WDTC1: variants seen among roughly 807,000 people sequenced by gnomAD.
WDTC1 encodes WD and tetratricopeptide repeats protein 1.
Under a neutral mutation model 76.0 loss-of-function variants are expected in WDTC1, and 12 were observed. The ratio of observed to expected loss-of-function variants is 0.16; its 90% CI spans 0.10 to 0.26. The LOEUF is 0.26. WDTC1 is among the 10% of genes least tolerant of loss of function. The probability of loss-of-function intolerance (pLI) is 1.00; values close to 1 mark genes in which losing one functional copy is unlikely to be tolerated. For synonymous variants in WDTC1, 326 were observed against 350.8 expected (o/e 0.93, Z 0.79); for missense variants, 511 against 908.8 (o/e 0.56, Z 5.63).
intron 3 of WDTC1, among the ~76,000 whole-genome samples, chr1:27,264,234 G>A (rs779798361): frequency 2.1e-4 from 32 of 152,158 alleles, no homozygotes; most frequent in Non-Finnish European, 3.5e-4. Context: ...GTTGCAGTGA[G>A]CCAAGATAGT....
chr1:27,291,041 T>C (rs924933039), intron 6 of WDTC1, among the ~76,000 whole-genome samples: 1 of 152,186 alleles, frequency 6.6e-6, no homozygotes, highest in Non-Finnish European at 1.5e-5. Context: ...GCGGAGCGTC[T>C]AGCGCATTGG....
intron 2 of WDTC1, among the ~76,000 whole-genome samples, chr1:27,262,438 G>GA (rs1413925431): frequency 1.3e-5 from 2 of 151,500 alleles, no homozygotes; most frequent in East Asian, 3.9e-4. Context: ...GCCCAGGCTG[G>GA]AGTGCAGTGG....
rs1014690294 is a variant in WDTC1 at position 27,306,543 on chromosome 1, A to G, written c.*160A>G. 3 of 927,018 alleles carry G rather than the reference A, an allele frequency of 3.2e-6. No homozygotes were observed. The highest frequency in any genetic ancestry group is 3.3e-5 in the African/African-American group (2 of 59,834). The allele number at this position is 927,018 out of a possible 1,614,324, so 57.4% of individuals were successfully genotyped here. On this transcript the variant is annotated 3_prime_UTR_variant, in exon 16 of 16. Transcript: ENST00000319394. This position sits in a 1 kb window ranked among gnomAD's most constrained non-coding sequence, Gnocchi z 5.0. ...GGCGTTAGGGGTGGAGGTTGCTACA[A>G]CTTGCTGGCTTTCGGACTCTGGGCT... is the stretch of plus-strand genomic sequence containing the variant.
At chr1:27,247,028 A>G (rs2011864417) in intron 1 of WDTC1, among the ~76,000 whole-genome samples, 1 of 151,758 alleles carries the variant, frequency 6.6e-6, no homozygotes, top group Admixed American at 6.6e-5. Context: ...CACCGCACCC[A>G]GCCTATTTCT....
chr1:27,306,499 C>T lies in WDTC1; in HGVS notation c.*116C>T, dbSNP rs907307688. ...CCACCACCCTTTTTTTTCATTTCCC[C>T]TGTTTTGTTTGTTAGTTTGGCGTTA... On this transcript the variant is annotated 3_prime_UTR_variant, in exon 16 of 16. Coordinates refer to ENST00000319394, the MANE Select transcript of WDTC1 (RefSeq NM_001276252.2). This position sits in a 1 kb window ranked among gnomAD's most constrained non-coding sequence, Gnocchi z 5.0. 3 of 1,309,592 alleles carry T rather than the reference C, an allele frequency of 2.3e-6. No individual in the cohort carries two copies. In the African/African-American group the frequency reaches 4.5e-5, roughly 19 times the overall value. 81.1% of individuals were successfully genotyped at this position (1,309,592 alleles called of 1,614,324 possible). A position where few individuals can be genotyped will look rare whatever the true frequency, so the allele number is the denominator to read the frequency against.
intron 12 of WDTC1, among the ~76,000 whole-genome samples, 168 bp downstream of exon 12, chr1:27,298,279 A>G (rs1382266387): frequency 2.0e-5 from 3 of 152,232 alleles, no homozygotes; most frequent in Non-Finnish European, 1.5e-5. Context: ...CTCCAGGCTA[A>G]TGGTGGGCAG....
At chr1:27,295,917 C>T (rs1304477938) in intron 9 of WDTC1, among the ~76,000 whole-genome samples, 3 of 152,058 alleles carry the variant, frequency 2.0e-5, no homozygotes, top group Admixed American at 1.3e-4. Context: ...AGGCACACGC[C>T]ACCACACCTG....
At chr1:27,239,913 A>G (rs1343892872) in intron 1 of WDTC1, among the ~76,000 whole-genome samples, 1 of 151,444 alleles carries the variant, frequency 6.6e-6, no homozygotes, top group African/African-American at 2.4e-5. Context: ...TTTTTTTAAG[A>G]CAGAGTTTTG....
chr1:27,285,501 A>C (rs759442730), intron 5 of WDTC1, among the ~76,000 whole-genome samples: 2 of 152,162 alleles, frequency 1.3e-5, no homozygotes, highest in African/African-American at 2.4e-5. Flanking sequence ...GGAACTTTTC[A>C]ATTTTAAAAA....
intron 1 of WDTC1, among the ~76,000 whole-genome samples, chr1:27,253,634 G>A (rs190328539): frequency 2.6e-5 from 4 of 151,336 alleles, no homozygotes; most frequent in South Asian, 2.1e-4. Flanking sequence ...GGCGTGAGCC[G>A]CCACATTCAG....
chr1:27,265,058 C>T (rs1052834348), intron 3 of WDTC1, among the ~76,000 whole-genome samples: 8 of 152,164 alleles, frequency 5.3e-5, no homozygotes, highest in Non-Finnish European at 8.8e-5. Context: ...CCTGCCTCAA[C>T]CACCCAAAGT....
chr1:27,234,657 C>A lies in WDTC1; in HGVS notation c.-394C>A. The A allele has an allele frequency of 1.5e-5, 6 of 396,064 alleles. No individual in the cohort carries two copies. The highest frequency in any genetic ancestry group is 2.7e-5 in the Non-Finnish European group (6 of 224,618). 24.5% of individuals were successfully genotyped at this position (396,064 alleles called of 1,614,324 possible). On this transcript the variant is annotated 5_prime_UTR_variant, in exon 1 of 16. The change creates a new upstream start codon in the 5' untranslated region. Transcript: ENST00000319394. Reference sequence around the variant, plus strand: ...GGGCTTCTCCTGGGTCCCCAGACAGCTGGAGGAGATAAACAGAGGAGGAGG... The same window carrying A: ...GGGCTTCTCCTGGGTCCCCAGACAGATGGAGGAGATAAACAGAGGAGGAGG...
At chr1:27,257,373 G>A (rs1173822970) in intron 1 of WDTC1, among the ~76,000 whole-genome samples, 2 of 152,014 alleles carry the variant, frequency 1.3e-5, no homozygotes, top group Non-Finnish European at 2.9e-5. Context: ...GTGTCTACTT[G>A]GAAAGATTAA....
At chr1:27,270,204 A>G (rs1370009840) in intron 3 of WDTC1, among the ~76,000 whole-genome samples, 2 of 152,140 alleles carry the variant, frequency 1.3e-5, no homozygotes, top group African/African-American at 4.8e-5. Flanking sequence ...GATTACAGAC[A>G]TGAGCCACCA....
At chr1:27,252,348 G>A (rs2012098008) in intron 1 of WDTC1, among the ~76,000 whole-genome samples, 1 of 152,016 alleles carries the variant, frequency 6.6e-6, no homozygotes. Context: ...GCGAGATCCT[G>A]TCTCAAAAAA....
At chr1:27,259,407 G>C (rs1434626322) in intron 1 of WDTC1, among the ~76,000 whole-genome samples, 1 of 146,330 alleles carries the variant, frequency 6.8e-6, no homozygotes, top group Non-Finnish European at 1.5e-5. Context: ...GTTTCAAGTA[G>C]TCCTCCCACC....
intron 1 of WDTC1, chr1:27,255,505 C>G (rs75187098): frequency 6.6e-6 from 1 of 152,276 alleles, no homozygotes; most frequent in Non-Finnish European, 1.5e-5. Flanking sequence ...AACAGTAGAA[C>G]AAGGAGTTCA....
At chr1:27,255,302 A>C (rs546249499) in intron 1 of WDTC1, among the ~76,000 whole-genome samples, 16 of 152,180 alleles carry the variant, frequency 1.1e-4, no homozygotes, top group Non-Finnish European at 2.2e-4. Flanking sequence ...CATAGTTGTC[A>C]AGAGAATGGA....
At chr1:27,304,952 TGTAGGGCA>T in intron 14 of WDTC1, 41 bp from the exon 15 acceptor site, 8 of 1,563,704 alleles carry the variant, frequency 5.1e-6, no homozygotes, top group Non-Finnish European at 7.0e-6. Flanking sequence ...TACTTGAGGC[TGTAGGGCA>T]GTACCCCACC....
Sources: allele counts gnomAD v4.1 joint callset (sites outside exome capture counted in the v4.1 genomes callset), GRCh38; gene constraint gnomAD v4.1.1; non-coding constraint Gnocchi (gnomAD v3.1); transcripts MANE v1.5; gene names NCBI Gene and HGNC (gene_info 2026-07-23, HGNC 2026-07-21).